The following TMEM268 variants were observed in gnomAD, a reference collection of about 807,000 sequenced individuals.
The protein encoded by TMEM268 is transmembrane protein C9orf91.
A neutral mutation model predicts 39.1 loss-of-function variants in TMEM268; 24 were observed. The ratio of observed to expected loss-of-function variants is 0.61; its 90% confidence interval spans 0.44 to 0.86. The LOEUF (loss-of-function observed/expected upper bound fraction) is 0.86. TMEM268 is among the 40% of genes least tolerant of loss of function. The probability of loss-of-function intolerance (pLI) is 0.00; values close to 1 mark genes in which losing one functional copy is unlikely to be tolerated. For synonymous variants in TMEM268, 176 were observed against 173.5 expected (o/e 1.01, Z -0.12); for missense variants, 409 against 428.6 (o/e 0.95, Z 0.40).
rs1314462912 is a variant in TMEM268 at position 114,622,082 on chromosome 9, G to A, written c.107-2268G>A. ...ATGCCAGGAGGGCACAGAGTGGACA[G>A]ATGTTTTGTTTGCCTAGTTGGCAGG... On this transcript the variant is annotated intron_variant, in intron 2 of 8. Transcript: ENST00000288502. 3.0e-6 allele frequency: 3 copies of A among 985,302 alleles called. No individual in the cohort carries two copies. In the East Asian group the frequency reaches 3.4e-4, roughly 112 times the overall value. The allele number at this position is 985,302 out of a possible 1,614,324, so 61.0% of individuals were successfully genotyped here.
At chr9:114,621,677 A>G (rs1009880545) in intron 2 of TMEM268, among the ~76,000 whole-genome samples, 8 of 152,150 alleles carry the variant, frequency 5.3e-5, no homozygotes, top group Non-Finnish European at 7.3e-5. Flanking sequence ...GAGCTGGGAT[A>G]CAAATGATGC....
At chr9:114,612,407 C>G (rs1285311498) in intron 1 of TMEM268, among the ~76,000 whole-genome samples, 3 of 152,234 alleles carry the variant, frequency 2.0e-5, no homozygotes. Context: ...GGCCTCAAGG[C>G]TGTGCTCACT....
intron 8 of TMEM268, among the ~76,000 whole-genome samples, chr9:114,642,186 C>G (rs141344581): frequency 6.6e-6 from 1 of 152,094 alleles, no homozygotes; most frequent in Admixed American, 6.6e-5. Context: ...ACTAACTTCC[C>G]CTTCCCTCCT....
intron 2 of TMEM268, among the ~76,000 whole-genome samples, chr9:114,621,023 A>T (rs151257929): frequency 1.3e-5 from 2 of 152,220 alleles, no homozygotes; most frequent in East Asian, 1.9e-4. Flanking sequence ...ATCAGAGATG[A>T]TATCCCAGGG....
In TMEM268 at chr9:114,633,859, G is replaced by A. The variant is rs757850203; in HGVS notation, c.566G>A (p.Gly189Glu). 1 of 1,597,012 alleles carries A rather than the reference G, an allele frequency of 6.3e-7. No individual in the cohort carries two copies. Among genetic ancestry groups the A allele is most frequent in the African/African-American group, 1.3e-5 (1 of 74,158 alleles). Residue 189 changes from glycine to glutamate, a missense_variant, in exon 6 of 9, where the codon GGA becomes GAA. Transcript: ENST00000288502. ...CTGGGGGTGACAGACACAGTGGAAG[G>A]ATGCCAGAGTGTGATTCAGGTGCTG... ...VLLGVTDTVE[G>E]CQSVIQLWFV...
rs1288371629 is a variant in TMEM268, at chr9:114,645,938, G to A, written c.*2625G>A. On this transcript the variant is annotated 3_prime_UTR_variant, in exon 9 of 9. Coordinates refer to ENST00000288502, the MANE Select transcript of TMEM268 (RefSeq NM_153045.4). Reference sequence around the variant, plus strand: ...ATACTACACACAGGAATGCTCATCAGTTTTTAAATTTTATTTAATTTTTAT... The same window carrying A: ...ATACTACACACAGGAATGCTCATCAATTTTTAAATTTTATTTAATTTTTAT... 2.0e-5 allele frequency: 3 copies of A among 152,024 alleles called. No individual in the cohort carries two copies. In the East Asian group the frequency reaches 5.8e-4, roughly 29 times the overall value. 9.4% of individuals were successfully genotyped at this position (152,024 alleles called of 1,614,324 possible). A position where few individuals can be genotyped will look rare whatever the true frequency, so the allele number is the denominator to read the frequency against.
chr9:114,625,207 C>G (rs1438390762), intron 3 of TMEM268, among the ~76,000 whole-genome samples: 1 of 152,078 alleles, frequency 6.6e-6, no homozygotes, highest in Non-Finnish European at 1.5e-5. Flanking sequence ...AGATTAAATG[C>G]AATAATGCTT....
chr9:114,644,376 A>C lies in TMEM268; in HGVS notation c.*1063A>C, dbSNP rs1376231614. On this transcript the variant is annotated 3_prime_UTR_variant, in exon 9 of 9. Transcript: ENST00000288502. ...GACTCCTATTCATGCTTCAAAGTCC[A>C]GCTTTCTTAAGCCCTTCTTTAGGAA... 1 of 152,404 alleles carries C rather than the reference A, an allele frequency of 6.6e-6. No individual in the cohort carries two copies. The highest frequency in any genetic ancestry group is 6.5e-5 in the Admixed American group (1 of 15,282). The allele number at this position is 152,404 out of a possible 1,614,324, so 9.4% of individuals were successfully genotyped here. A position where few individuals can be genotyped will look rare whatever the true frequency, so the allele number is the denominator to read the frequency against.
At chr9:114,642,992 C>A in intron 8 of TMEM268, 142 bp from the exon 9 acceptor site, 1 of 782,354 alleles carries the variant, frequency 1.3e-6, no homozygotes, top group Non-Finnish European at 2.1e-6. Flanking sequence ...GTCCTAGGTG[C>A]TGACCTGGCC....
chr9:114,626,201 A>T (rs527939811), intron 3 of TMEM268, among the ~76,000 whole-genome samples: 2 of 152,110 alleles, frequency 1.3e-5, no homozygotes, highest in African/African-American at 4.8e-5. Flanking sequence ...AGGCTCAAGC[A>T]GTCCACCTGC....
intron 5 of TMEM268, among the ~76,000 whole-genome samples, chr9:114,628,529 A>G (rs1846258305): frequency 6.6e-6 from 1 of 152,208 alleles, no homozygotes; most frequent in African/African-American, 2.4e-5. Flanking sequence ...TACTTTAGTT[A>G]ACTGAGCCCT....
intron 6 of TMEM268, among the ~76,000 whole-genome samples, chr9:114,635,273 G>A (rs969070248): frequency 1.3e-5 from 2 of 151,712 alleles, no homozygotes; most frequent in South Asian, 2.1e-4. Flanking sequence ...AACCCGGGAG[G>A]CAGAGGTTGC....
At chr9:114,616,307 G>A (rs991356247) in intron 1 of TMEM268, among the ~76,000 whole-genome samples, 1 of 151,842 alleles carries the variant, frequency 6.6e-6, no homozygotes, top group Non-Finnish European at 1.5e-5. Flanking sequence ...GAGCCACCGC[G>A]CCTGGCTTCT....
intron 5 of TMEM268, among the ~76,000 whole-genome samples, chr9:114,631,291 A>AAAAAAAAAAAAAAAAAAG (rs1846387055): frequency 5.1e-4 from 12 of 23,330 alleles, no homozygotes; most frequent in African/African-American, 1.1e-3. Context: ...TCAAAAAAAA[A>AAAAAAAAAAAAAAAAAAG]AAAAAAAAAA....
Position 114,620,490 on chromosome 9 carries a change from C to T in TMEM268, c.106+3189C>T, listed in dbSNP as rs1043739335. 5.3e-5 allele frequency among the ~76,000 whole-genome samples: 8 copies of T among 152,254 alleles called. No homozygotes were observed. The South Asian group carries it at 8.3e-4, about 16-fold the overall frequency. ...TCTCAACCTCCTGGGCTCAAGTAAT[C>T]CACTTGCCTCAGCCTCCCAAAGTGC... is the stretch of plus-strand genomic sequence containing the variant. On this transcript the variant is annotated intron_variant, in intron 2 of 8. Transcript: ENST00000288502.
chr9:114,627,153 A>T (rs528956798), intron 4 of TMEM268, 147 bp downstream of exon 4: 5 of 540,894 alleles, frequency 9.2e-6, no homozygotes, highest in Admixed American at 8.8e-5. Flanking sequence ...GTACATATGG[A>T]CATTGATTTG....
intron 8 of TMEM268, among the ~76,000 whole-genome samples, chr9:114,642,787 G>T (rs1280859224): frequency 2.0e-5 from 3 of 151,972 alleles, no homozygotes; most frequent in South Asian, 2.1e-4. Context: ...GGCCAGCTAG[G>T]CTTAAAAAAT....
chr9:114,606,584 T>A (rs1217456277), upstream of TMEM268, among the ~76,000 whole-genome samples: 1 of 152,234 alleles, frequency 6.6e-6, no homozygotes, highest in Non-Finnish European at 1.5e-5. Context: ...GCATTCAAGG[T>A]ACTCTATATA....
intron 5 of TMEM268, among the ~76,000 whole-genome samples, chr9:114,628,550 T>C (rs535086538): frequency 1.3e-5 from 2 of 152,234 alleles, no homozygotes; most frequent in Admixed American, 6.5e-5. Flanking sequence ...CTCATGCACT[T>C]CCTCTCCCTG....
Sources: allele counts gnomAD v4.1 joint callset (sites outside exome capture counted in the v4.1 genomes callset), GRCh38; gene constraint gnomAD v4.1.1; transcripts MANE v1.5; gene names NCBI Gene and HGNC (gene_info 2026-07-23, HGNC 2026-07-21).